The following SNW1 variants were observed in gnomAD, a reference collection of about 807,000 sequenced individuals.
SNW1 encodes SNW domain containing 1, also known as SNW domain-containing protein 1.
A neutral mutation model predicts 75.6 loss-of-function variants in SNW1; 9 were observed. That is an observed-to-expected ratio of 0.12 (90% CI 0.07 to 0.21). SNW1 has a LOEUF of 0.21. SNW1 is among the 10% of genes least tolerant of loss of function. The probability of loss-of-function intolerance (pLI) is 1.00; values close to 1 mark genes in which losing one functional copy is unlikely to be tolerated. For missense variants in SNW1, 409 were observed against 670.9 expected, an observed-to-expected ratio of 0.61 and a Z score of 4.31; for synonymous variants, 200 against 219.1, an observed-to-expected ratio of 0.91 and a Z score of 0.77.
At chr14:77,751,936 A>C (rs1197767353) in intron 2 of SNW1, among the ~76,000 whole-genome samples, 1 of 152,070 alleles carries the variant, frequency 6.6e-6, no homozygotes, top group East Asian at 1.9e-4. Flanking sequence ...ATATTTTAGG[A>C]AATGAGAATT....
chr14:77,726,533 T>TA (rs2080586019), intron 10 of SNW1, among the ~76,000 whole-genome samples: 1 of 152,062 alleles, frequency 6.6e-6, no homozygotes, highest in Non-Finnish European at 1.5e-5. Context: ...AGTTTATTCC[T>TA]AGGAGGCTAT....
chr14:77,739,117 C>T, intron 3 of SNW1, 56 bp from the exon 4 acceptor site: 1 of 1,274,446 alleles, frequency 7.8e-7, no homozygotes, highest in Admixed American at 1.7e-5. Context: ...AAAGAAACCT[C>T]ATTAGCCATT....
intron 3 of SNW1, among the ~76,000 whole-genome samples, chr14:77,747,069 G>A (rs1458550851): frequency 2.6e-5 from 4 of 152,086 alleles, no homozygotes; most frequent in East Asian, 3.9e-4. Flanking sequence ...GGTGCGCGCC[G>A]CCACGCCTGA....
intron 2 of SNW1, among the ~76,000 whole-genome samples, chr14:77,754,306 A>G (rs920584051): frequency 1.3e-5 from 2 of 152,030 alleles, no homozygotes; most frequent in South Asian, 4.1e-4. Context: ...GGCCTCCCAA[A>G]GTGCTGGGAT....
intron 10 of SNW1, among the ~76,000 whole-genome samples, chr14:77,726,857 T>C (rs946200074): frequency 6.6e-6 from 1 of 152,112 alleles, no homozygotes; most frequent in Admixed American, 6.6e-5. Flanking sequence ...TTGGTAGCTA[T>C]TATAAATGGG....
chr14:77,747,900 G>A (rs1002595846), intron 3 of SNW1, among the ~76,000 whole-genome samples: 14 of 152,294 alleles, frequency 9.2e-5, no homozygotes, highest in African/African-American at 3.1e-4. Flanking sequence ...AGGCCACCCC[G>A]TCTGGGAGGT....
rs182824051 is a variant in SNW1, at chr14:77,732,191, G to A, written c.891+294C>T. Among the ~76,000 whole-genome samples the A allele has an allele frequency of 2.4e-4, 36 of 152,276 alleles. 1 individual carries two copies. Among genetic ancestry groups the A allele is most frequent in the African/African-American group, 8.4e-4 (35 of 41,550 alleles). On this transcript the variant is annotated intron_variant, in intron 9 of 13. Transcript: ENST00000261531. ...CTACATCTAAAATAGAGGAAAATTT[G>A]AAATCAAAAATTATGAAACCTAGCA...
intron 2 of SNW1, among the ~76,000 whole-genome samples, chr14:77,754,602 G>GGGAGGA (rs748177412): frequency 1.3e-5 from 2 of 151,812 alleles, no homozygotes; most frequent in Non-Finnish European, 2.9e-5. Context: ...ATTATCGGAG[G>GGGAGGA]GGAGGAGGAG....
Position 77,755,104 on chromosome 14 carries a change from T to A in SNW1, c.31A>T (p.Thr11Ser). The A allele has an allele frequency of 6.2e-7, 1 of 1,612,580 alleles. No individual in the cohort carries two copies. Among genetic ancestry groups the A allele is most frequent in the Admixed American group, 1.7e-5 (1 of 59,856 alleles). ...TCAAGCTGGTCCTGAGATAGCTGAGTAGGTGCAGGTAAAAAGCTATAAGCA... is the reference window on the plus strand; with the variant it reads ...TCAAGCTGGTCCTGAGATAGCTGAGAAGGTGCAGGTAAAAAGCTATAAGCA... MALTSFLPAPTQLSQDQLEAE... is the reference protein window; with the variant it reads MALTSFLPAPSQLSQDQLEAE... Residue 11 changes from threonine to serine, a missense_variant, in exon 2 of 14, where the codon ACT becomes TCT. This residue lies in a region of SNW1 where 73 missense variants were observed against 68.3 expected (regional missense o/e 1.07). Transcript: ENST00000261531.
chr14:77,717,883 A>G lies in SNW1; in HGVS notation c.*205T>C. On this transcript the variant is annotated 3_prime_UTR_variant, in exon 14 of 14. Coordinates refer to ENST00000261531, the MANE Select transcript of SNW1 (RefSeq NM_012245.3). ...ATAAATGCTGAAAGGTGGGAGAAGC[A>G]CAAACACAACCCACTCTTTAAAAAA... 1 of 557,970 alleles carries G rather than the reference A, an allele frequency of 1.8e-6. No homozygotes were observed. 34.6% of individuals were successfully genotyped at this position (557,970 alleles called of 1,614,324 possible). A position where few individuals can be genotyped will look rare whatever the true frequency, so the allele number is the denominator to read the frequency against.
intron 1 of SNW1, among the ~76,000 whole-genome samples, chr14:77,757,943 TATCTATCTATC>T (rs2080854444): frequency 7.2e-6 from 1 of 137,996 alleles, no homozygotes; most frequent in Non-Finnish European, 1.6e-5. Context: ...TCTATCTATC[TATCTATCTATC>T]GCAATCAATC....
chr14:77,751,277 T>G, intron 3 of SNW1, 42 bp downstream of exon 3: 1 of 1,560,152 alleles, frequency 6.4e-7, no homozygotes, highest in Middle Eastern at 1.7e-4. Flanking sequence ...TTAAAATGTT[T>G]CCTAAAATAT....
chr14:77,726,523 A>G (rs1779363346), intron 10 of SNW1, among the ~76,000 whole-genome samples: 2 of 151,844 alleles, frequency 1.3e-5, no homozygotes, highest in African/African-American at 4.8e-5. Context: ...TCTTTGGTTA[A>G]GTTTATTCCT....
intron 10 of SNW1, among the ~76,000 whole-genome samples, chr14:77,723,652 A>G (rs1015693891): frequency 1.3e-4 from 20 of 152,012 alleles, no homozygotes; most frequent in African/African-American, 4.8e-4. Flanking sequence ...ACTCAGCCCC[A>G]TTAGTATTTT....
At chr14:77,759,059 G>A (rs1014474027) in intron 1 of SNW1, among the ~76,000 whole-genome samples, 6 of 152,192 alleles carry the variant, frequency 3.9e-5, no homozygotes, top group African/African-American at 1.4e-4. Flanking sequence ...ATTTGCTAGG[G>A]CAGCTCACAG....
At chr14:77,724,331 A>C (rs1284976424) in intron 10 of SNW1, among the ~76,000 whole-genome samples, 1 of 152,256 alleles carries the variant, frequency 6.6e-6, no homozygotes, top group Non-Finnish European at 1.5e-5. Context: ...GGAACATTCT[A>C]AATCTTCTAG....
intron 2 of SNW1, 104 bp from the exon 3 acceptor site, chr14:77,751,584 G>T: frequency 2.3e-6 from 2 of 855,888 alleles, no homozygotes; most frequent in Non-Finnish European, 3.4e-6. Context: ...TATGCTAGAT[G>T]CTAGAGATAC....
At chr14:77,758,351 A>G (rs2080859575) in intron 1 of SNW1, among the ~76,000 whole-genome samples, 2 of 138,570 alleles carry the variant, frequency 1.4e-5, no homozygotes, top group Non-Finnish European at 3.1e-5. Flanking sequence ...AAATTTTCGT[A>G]TGCTTTTATA....
intron 2 of SNW1, 113 bp downstream of exon 2, chr14:77,754,854 T>C (rs1348229934): frequency 1.4e-5 from 14 of 967,810 alleles, no homozygotes; most frequent in Non-Finnish European, 1.8e-5. Flanking sequence ...AACCAGAATT[T>C]CTATCACACT....
Sources: gnomAD v4.1 joint callset for allele counts (sites outside exome capture counted in the v4.1 genomes callset) on GRCh38, gnomAD v4.1.1 for gene constraint, gnomAD v4.1.1 regional missense constraint, MANE v1.5 for transcripts, NCBI Gene and HGNC (gene_info 2026-07-23, HGNC 2026-07-21) for gene names.